TANGO6: variants seen among roughly 807,000 people sequenced by gnomAD.
TANGO6 encodes the protein transport and golgi organization 6 homolog, also known as transport and Golgi organization protein 6 homolog.
Under a neutral mutation model 114.2 loss-of-function variants are expected in TANGO6, and 90 were observed. The observed-to-expected ratio is 0.79, with a 90% confidence interval of 0.66 to 0.94. The LOEUF is 0.94. Among genes scored for constraint, TANGO6 ranks in the 40% least tolerant of loss-of-function variants. The pLI, the probability that TANGO6 is intolerant of heterozygous loss-of-function variation, is 0.00. For missense variants in TANGO6, 1,274 were observed against 1,315.3 expected, an observed-to-expected ratio of 0.97 and a Z score of 0.49; for synonymous variants, 477 against 509.8, an observed-to-expected ratio of 0.94 and a Z score of 0.87.
chr16:69,039,372 A>G (rs1021539281), intron 16 of TANGO6, among the ~76,000 whole-genome samples: 1 of 150,282 alleles, frequency 6.7e-6, no homozygotes, highest in African/African-American at 2.5e-5. Flanking sequence ...ACGGTGGCTC[A>G]TACCTGTAAT....
Position 68,981,310 on chromosome 16 carries a change from A to G in TANGO6, c.2842+7142A>G, listed in dbSNP as rs541603348. 2.2e-4 allele frequency among the ~76,000 whole-genome samples: 31 copies of G among 142,352 alleles called. No homozygotes were observed. In the South Asian group the frequency reaches 6.6e-3, roughly 30 times the overall value. The allele number at this position is 142,352 out of a possible 152,430, so 93.4% of individuals were successfully genotyped here. ...ATTGCAACCTCTGCCTTCCGGGTTCAAGCAATTCTCCTGCCTCAGCCCCCT... is the reference window on the plus strand; with the variant it reads ...ATTGCAACCTCTGCCTTCCGGGTTCGAGCAATTCTCCTGCCTCAGCCCCCT... On this transcript the variant is annotated intron_variant, in intron 15 of 17. Transcript: ENST00000261778.
chr16:68,869,368 C>T (rs1459413366), intron 4 of TANGO6, among the ~76,000 whole-genome samples: 1 of 152,174 alleles, frequency 6.6e-6, no homozygotes, highest in Non-Finnish European at 1.5e-5. Flanking sequence ...GTTCCAGCTA[C>T]TGAGGTGGCT....
chr16:68,980,563 C>G lies in TANGO6; in HGVS notation c.2842+6395C>G, dbSNP rs1486706567. Among the ~76,000 whole-genome samples, 4 of 151,372 alleles carry G rather than the reference C, an allele frequency of 2.6e-5. No individual in the cohort carries two copies. In the South Asian group the frequency reaches 8.4e-4, roughly 32 times the overall value. ...GGATTATGCACACGAGCCACTGCAC[C>G]TATAGTTCCAGCTACTCAGGACTCC... On this transcript the variant is annotated intron_variant, in intron 15 of 17. Coordinates refer to ENST00000261778, the MANE Select transcript of TANGO6 (RefSeq NM_024562.2).
chr16:69,022,222 T>C (rs1481329487), intron 15 of TANGO6, among the ~76,000 whole-genome samples: 1 of 152,122 alleles, frequency 6.6e-6, no homozygotes, highest in African/African-American at 2.4e-5. Flanking sequence ...GTAATAAGAC[T>C]CTGAAAATAA....
intron 2 of TANGO6, among the ~76,000 whole-genome samples, chr16:68,862,617 G>C (rs1962113401): frequency 6.6e-6 from 1 of 152,224 alleles, no homozygotes; most frequent in South Asian, 2.1e-4. Context: ...CAGCAAGAAA[G>C]AGCAGAAGAA....
intron 17 of TANGO6, among the ~76,000 whole-genome samples, chr16:69,043,417 C>T (rs950759347): frequency 6.6e-6 from 1 of 151,922 alleles, no homozygotes; most frequent in East Asian, 1.9e-4. Context: ...AAACCAACAC[C>T]GCTTGTCTCA....
At chr16:68,997,525 G>A (rs530193715) in intron 15 of TANGO6, among the ~76,000 whole-genome samples, 3 of 152,294 alleles carry the variant, frequency 2.0e-5, no homozygotes, top group African/African-American at 7.2e-5. Flanking sequence ...GCATGCTAAT[G>A]CATTATAATC....
chr16:68,844,883 C>T (rs1307137972), intron 1 of TANGO6, among the ~76,000 whole-genome samples: 1 of 151,768 alleles, frequency 6.6e-6, no homozygotes. Flanking sequence ...GGTAAATATG[C>T]TACATTGTCT....
At chr16:68,852,252 T>C (rs762061621) in intron 1 of TANGO6, among the ~76,000 whole-genome samples, 4 of 152,192 alleles carry the variant, frequency 2.6e-5, no homozygotes, top group Non-Finnish European at 5.9e-5. Flanking sequence ...GTACTTCACA[T>C]ACATATAGTA....
chr16:68,854,165 GA>G (rs1961948722), intron 1 of TANGO6, among the ~76,000 whole-genome samples: 1 of 152,024 alleles, frequency 6.6e-6, no homozygotes, highest in East Asian at 1.9e-4. Context: ...TATGTTTTAA[GA>G]ATTCTGTCTG....
intron 16 of TANGO6, among the ~76,000 whole-genome samples, chr16:69,023,847 A>G (rs570972986): frequency 6.6e-6 from 1 of 152,308 alleles, no homozygotes; most frequent in East Asian, 1.9e-4. Flanking sequence ...TGAACCATCA[A>G]AATGATAGCC....
At chr16:69,063,643 C>CAAAAA (rs770332921) in intron 17 of TANGO6, among the ~76,000 whole-genome samples, 502 of 35,774 alleles carry the variant, frequency 0.014, 67 homozygotes, top group Non-Finnish European at 0.024. Flanking sequence ...ACTCCATCTC[C>CAAAAA]AAAAAAAAAA....
Position 68,928,091 on chromosome 16 carries a change from G to C in TANGO6, c.2643+8G>C, listed in dbSNP as rs1460513167. 1.3e-6 allele frequency: 2 copies of C among 1,564,024 alleles called. No individual in the cohort carries two copies. The highest frequency in any genetic ancestry group is 1.9e-5 in the Admixed American group (1 of 51,758). On this transcript the variant is annotated splice_region_variant and intron_variant, in intron 13 of 17. Transcript: ENST00000261778. ...CAAGAGAAGCTTCTCAAGGTGAGTA[G>C]AACACACTGTAAAGACACATGGGCA...
chr16:68,845,002 CTG>C (rs1312527517), intron 1 of TANGO6, among the ~76,000 whole-genome samples: 18 of 142,930 alleles, frequency 1.3e-4, no homozygotes, highest in Admixed American at 4.3e-4. Flanking sequence ...AGGTCTCACT[CTG>C]TTGCCCAGGC....
At position 69,072,122 on chromosome 16, in the gene TANGO6, CGTGTGTGTGTGT is replaced by C. The variant is rs10687062; in HGVS notation, c.3109-11342_3109-11331del. Among the ~76,000 whole-genome samples the C allele has an allele frequency of 2.4e-3, 284 of 116,668 alleles. 1 individual carries two copies. The highest frequency in any genetic ancestry group is 8.3e-3 in the African/African-American group (234 of 28,268). The allele number at this position is 116,668 out of a possible 152,430, so 76.5% of individuals were successfully genotyped here. On this transcript the variant is annotated intron_variant, in intron 17 of 17. Transcript: ENST00000261778. ...TGTATGTGTGAAGAGAGAGGGAGAC[CGTGTGTGTGTGT>C]GTGTGTGTGTGTGTGTGTGTCACAT...
At chr16:68,998,121 G>C (rs1198182951) in intron 15 of TANGO6, among the ~76,000 whole-genome samples, 1 of 152,170 alleles carries the variant, frequency 6.6e-6, no homozygotes, top group Middle Eastern at 3.2e-3. Flanking sequence ...AGCAAAATAA[G>C]TGAAATTATC....
chr16:68,933,020 G>T (rs771302072), intron 14 of TANGO6, among the ~76,000 whole-genome samples: 1 of 152,142 alleles, frequency 6.6e-6, no homozygotes, highest in Non-Finnish European at 1.5e-5. Context: ...ATCATCATCA[G>T]AATCTTCACT....
At chr16:68,913,307 C>T (rs180716059) in intron 11 of TANGO6, among the ~76,000 whole-genome samples, 1 of 151,676 alleles carries the variant, frequency 6.6e-6, no homozygotes. Flanking sequence ...CAGTCTGGGC[C>T]CTAGTAGCTG....
chr16:69,063,512 G>A (rs1225696257), intron 17 of TANGO6, among the ~76,000 whole-genome samples: 3 of 150,372 alleles, frequency 2.0e-5, no homozygotes, highest in African/African-American at 4.9e-5. Flanking sequence ...GCGACAAAGC[G>A]AGACCCCGTC....
Sources: allele counts gnomAD v4.1 joint callset (sites outside exome capture counted in the v4.1 genomes callset), GRCh38; gene constraint gnomAD v4.1.1; transcripts MANE v1.5; gene names NCBI Gene and HGNC (gene_info 2026-07-23, HGNC 2026-07-21).